The following PCCA variants were observed in gnomAD, a reference collection of about 807,000 sequenced individuals.
PCCA encodes propionyl-CoA carboxylase alpha chain, mitochondrial.
In PCCA, 74 loss-of-function variants were observed where a neutral mutation model predicts 101.3. The observed-to-expected ratio is 0.73, with a 90% confidence interval of 0.61 to 0.89. The LOEUF is 0.89. Among genes scored for constraint, PCCA ranks in the 40% least tolerant of loss-of-function variants. The pLI is 0.00. For synonymous variants in PCCA, 294 were observed against 313.6 expected (o/e 0.94, Z 0.66); for missense variants, 891 against 907.0 (o/e 0.98, Z 0.23).
rs543918195 is a variant in PCCA at position 100,134,568 on chromosome 13, G to GTA, written c.301-20409_301-20408dup. ...ATTTAGGTTTTCTTTGTTGGTGGTG[G>GTA]TATTCTTAGACAGGGTCTTGCTCTG... On this transcript the variant is annotated intron_variant, in intron 4 of 23. Transcript: ENST00000376285. Among the ~76,000 whole-genome samples, 55 of 152,194 alleles carry GTA rather than the reference G, an allele frequency of 3.6e-4. No individual in the cohort carries two copies. The South Asian group carries it at 0.011, about 32-fold the overall frequency.
At chr13:100,136,584 G>A (rs2051201566) in intron 4 of PCCA, among the ~76,000 whole-genome samples, 1 of 152,116 alleles carries the variant, frequency 6.6e-6, no homozygotes, top group East Asian at 1.9e-4. Context: ...AATAGTTATT[G>A]GAGTATTCAG....
chr13:100,458,305 ACAC>A, intron 21 of PCCA, among the ~76,000 whole-genome samples: 1 of 53,878 alleles, frequency 1.9e-5, no homozygotes. Flanking sequence ...ACACACACAC[ACAC>A]ACACACACAC....
At chr13:100,446,637 G>A (rs182782929) in intron 20 of PCCA, among the ~76,000 whole-genome samples, 7 of 152,164 alleles carry the variant, frequency 4.6e-5, no homozygotes, top group Non-Finnish European at 7.4e-5. Context: ...TCAACCCTCC[G>A]TTCTTAACTG....
intron 12 of PCCA, among the ~76,000 whole-genome samples, chr13:100,284,102 TCTC>T (rs1395399451): frequency 6.6e-6 from 1 of 152,222 alleles, no homozygotes; most frequent in Non-Finnish European, 1.5e-5. Context: ...TCAGTGTTAA[TCTC>T]CTGTCCTGGA....
rs746021444 is a variant in PCCA at position 100,102,978 on chromosome 13, A to G, written c.183+18A>G. 6.9e-5 allele frequency: 100 copies of G among 1,454,518 alleles called. 2 individuals are homozygous for G. The South Asian group carries it at 9.9e-4, about 14-fold the overall frequency. 90.1% of individuals were successfully genotyped at this position (1,454,518 alleles called of 1,614,324 possible). ...ATGAAAAAGTAAGTATTTAAAAGATATTCTCAACAACTAAATTAAACTTAT... is the reference window on the plus strand; with the variant it reads ...ATGAAAAAGTAAGTATTTAAAAGATGTTCTCAACAACTAAATTAAACTTAT... On this transcript the variant is annotated intron_variant, in intron 2 of 23. Transcript: ENST00000376285.
intron 10 of PCCA, among the ~76,000 whole-genome samples, chr13:100,268,133 G>A (rs1436693097): frequency 6.6e-6 from 1 of 152,082 alleles, no homozygotes; most frequent in Non-Finnish European, 1.5e-5. Flanking sequence ...CAGATTTTCT[G>A]GTTAGAGATG....
intron 21 of PCCA, among the ~76,000 whole-genome samples, chr13:100,492,858 G>A (rs1452939284): frequency 6.6e-6 from 1 of 151,528 alleles, no homozygotes; most frequent in Non-Finnish European, 1.5e-5. Flanking sequence ...AAACTCCAGG[G>A]GAAAGATCAT....
At chr13:100,336,714 T>C (rs985503950) in intron 17 of PCCA, among the ~76,000 whole-genome samples, 1 of 152,174 alleles carries the variant, frequency 6.6e-6, no homozygotes, top group African/African-American at 2.4e-5. Context: ...AGCCTAAGGC[T>C]TTTAGAACCA....
chr13:100,286,717 A>G (rs1364991582), intron 12 of PCCA, among the ~76,000 whole-genome samples: 1 of 151,582 alleles, frequency 6.6e-6, no homozygotes, highest in Non-Finnish European at 1.5e-5. Context: ...TTCTCTGGAT[A>G]AGGTGGAGGA....
intron 21 of PCCA, among the ~76,000 whole-genome samples, chr13:100,475,258 GT>G (rs1416994968): frequency 6.6e-6 from 1 of 152,044 alleles, no homozygotes; most frequent in Non-Finnish European, 1.5e-5. Flanking sequence ...TGCCATCACT[GT>G]AATATTTTAA....
Position 100,486,001 on chromosome 13 carries a change from G to A in PCCA, c.1900-29426G>A, listed in dbSNP as rs144675917. On this transcript the variant is annotated intron_variant, in intron 21 of 23. Coordinates refer to ENST00000376285, the MANE Select transcript of PCCA (RefSeq NM_000282.4). ...TCTACCTGAGCTCCCCCTAACACAG[G>A]AGTTGGCCTCTGCCCACTGGGGCTT... Among the ~76,000 whole-genome samples, 19 of 152,260 alleles carry A rather than the reference G, an allele frequency of 1.2e-4. No homozygotes were observed. The East Asian group carries it at 3.7e-3, about 29-fold the overall frequency.
intron 18 of PCCA, among the ~76,000 whole-genome samples, chr13:100,354,970 TATC>T (rs1198957652): frequency 6.6e-6 from 1 of 152,158 alleles, no homozygotes; most frequent in East Asian, 1.9e-4. Flanking sequence ...ACAAGACCAA[TATC>T]ATCATGATTC....
At chr13:100,491,515 T>A in intron 21 of PCCA, 1 of 396,188 alleles carries the variant, frequency 2.5e-6, no homozygotes, top group Non-Finnish European at 4.6e-6. Context: ...AAGAAGAAAA[T>A]AGATAAAAAG....
chr13:100,443,477 A>T (rs1595917826), intron 20 of PCCA, among the ~76,000 whole-genome samples: 1 of 152,064 alleles, frequency 6.6e-6, no homozygotes, highest in East Asian at 1.9e-4. Context: ...ATAATGTTTC[A>T]TGACCCATGA....
chr13:100,243,300 A>G (rs1181389434), intron 8 of PCCA, among the ~76,000 whole-genome samples: 2 of 152,242 alleles, frequency 1.3e-5, no homozygotes, highest in Non-Finnish European at 2.9e-5. Context: ...TATTTGGTGA[A>G]TAAATCAAAA....
intron 5 of PCCA, 57 bp from the exon 6 acceptor site, chr13:100,157,230 T>C: frequency 8.2e-7 from 1 of 1,212,716 alleles, no homozygotes; most frequent in South Asian, 1.2e-5. Flanking sequence ...TACATTTTGC[T>C]TATAAAGCTT....
At position 100,262,778 on chromosome 13, in the gene PCCA, GA is replaced by G; in HGVS notation, c.767del (p.Asp256ValfsTer4). 1 of 1,575,888 alleles carries G rather than the reference GA, an allele frequency of 6.3e-7. No individual in the cohort carries two copies. Among genetic ancestry groups the G allele is most frequent in the Non-Finnish European group, 8.7e-7 (1 of 1,151,888 alleles). The part of the protein sequence containing the change: ...SQEAASSFGD[D>X]RLLIEKFIDN... ...AGAAGCTGCTTCTAGTTTTGGCGATGATAGACTACTAATAGAAAAATTTATT... is the reference window on the plus strand; with the variant it reads ...AGAAGCTGCTTCTAGTTTTGGCGATGTAGACTACTAATAGAAAAATTTATT... On this transcript the variant is annotated frameshift_variant, in exon 10 of 24. Coordinates refer to ENST00000376285, the MANE Select transcript of PCCA (RefSeq NM_000282.4). LOFTEE classifies it high-confidence loss of function.
chr13:100,469,211 C>CAAAAAAAAAAAAAAAAAAAAAAACAA (rs534361898), intron 21 of PCCA, among the ~76,000 whole-genome samples: 1 of 65,064 alleles, frequency 1.5e-5, no homozygotes, highest in Non-Finnish European at 3.0e-5. Context: ...AACTCCGTCT[C>CAAAAAAAAAAAAAAAAAAAAAAACAA]AAAAAAAAAA....
intron 21 of PCCA, chr13:100,490,210 C>T (rs1186082023): frequency 6.6e-6 from 1 of 152,216 alleles, no homozygotes; most frequent in East Asian, 1.9e-4. Flanking sequence ...TATACACATC[C>T]AATACGTTTT....
Sources: allele counts gnomAD v4.1 joint callset (sites outside exome capture counted in the v4.1 genomes callset), GRCh38; gene constraint gnomAD v4.1.1; transcripts MANE v1.5; gene names NCBI Gene and HGNC (gene_info 2026-07-23, HGNC 2026-07-21).